Variants in TG observed in about 807,000 individuals in gnomAD.
The protein encoded by TG is thyroid hormones.
TG carries 270 observed loss-of-function variants against 324.7 expected under a neutral mutation model. That is an observed-to-expected ratio of 0.83 (90% CI 0.75 to 0.92). TG has a LOEUF of 0.92. Ranked by LOEUF, TG falls within the 40% of genes least tolerant of loss-of-function variation. The pLI, the probability that TG is intolerant of heterozygous loss-of-function variation, is 0.00. For synonymous variants in TG, 1,401 were observed against 1,327.0 expected, an observed-to-expected ratio of 1.06 and a Z score of -1.21; for missense variants, 3,591 against 3,456.4, an observed-to-expected ratio of 1.04 and a Z score of -0.98.
chr8:132,950,473 C>T (rs1458680042), intron 27 of TG, among the ~76,000 whole-genome samples: 1 of 152,210 alleles, frequency 6.6e-6, no homozygotes, highest in African/African-American at 2.4e-5. Flanking sequence ...TTATATCCTG[C>T]ATTTCTCAGG....
Position 132,868,234 on chromosome 8 carries a change from T to C in TG, c.176+11T>C, listed in dbSNP as rs1257754457. The C allele has an allele frequency of 6.2e-7, 1 of 1,612,962 alleles. No homozygotes were observed. The highest frequency in any genetic ancestry group is 8.5e-7 in the Non-Finnish European group (1 of 1,179,194). ...GGATGGCAGCTTCCAGTAAGGCTTA[T>C]GTCAGCAGCGAACTCTCAAGGTCCA... On this transcript the variant is annotated intron_variant, in intron 2 of 47. Transcript: ENST00000220616.
chr8:133,016,849 G>A (rs184711587), intron 37 of TG, among the ~76,000 whole-genome samples: 14 of 152,180 alleles, frequency 9.2e-5, no homozygotes, highest in Admixed American at 1.3e-4. Flanking sequence ...AGAAAATGTC[G>A]TCGAGGAAAC....
Position 133,133,609 on chromosome 8 carries a change from G to T in TG, c.8137G>T (p.Ala2713Ser). The change falls in exon 47 of 48, where the codon GCC (alanine) becomes TCC (serine). Residue 2713 changes from alanine (A) to serine (S), a missense_variant. Ala to Ser is a moderately conservative substitution (Grantham distance 99). Coordinates refer to ENST00000220616, the MANE Select transcript of TG (RefSeq NM_003235.5). ...CCCCAATCGACAGGGCCTGAAGAAAGCCGACTGCTCCTTCTGGTCCAAGTA... is the reference window on the plus strand; with the variant it reads ...CCCCAATCGACAGGGCCTGAAGAAATCCGACTGCTCCTTCTGGTCCAAGTA... ...LLPNRQGLKK[A>S]DCSFWSKYIS... 4 of 1,614,224 alleles carry T rather than the reference G, an allele frequency of 2.5e-6. No individual in the cohort carries two copies. Among genetic ancestry groups the T allele is most frequent in the Non-Finnish European group, 3.4e-6 (4 of 1,180,040 alleles).
chr8:132,868,355 A>C (rs1463379734), intron 2 of TG, 132 bp downstream of exon 2: 5 of 843,084 alleles, frequency 5.9e-6, no homozygotes, highest in Non-Finnish European at 7.7e-6. Flanking sequence ...TGTCATTTGG[A>C]GGTGCCTGCC....
At chr8:132,987,674 G>T (rs1365126720) in intron 35 of TG, among the ~76,000 whole-genome samples, 1 of 151,878 alleles carries the variant, frequency 6.6e-6, no homozygotes, top group African/African-American at 2.4e-5. Flanking sequence ...AGACTTGTCT[G>T]GAGACCTAAT....
intron 47 of TG, among the ~76,000 whole-genome samples, chr8:133,134,195 C>T (rs1182105998): frequency 6.6e-6 from 1 of 152,236 alleles, no homozygotes; most frequent in Non-Finnish European, 1.5e-5. Context: ...AGTGACACAA[C>T]CCAGGGGATG....
intron 37 of TG, among the ~76,000 whole-genome samples, chr8:133,016,335 A>T (rs1008402245): frequency 2.0e-5 from 3 of 152,168 alleles, no homozygotes; most frequent in Non-Finnish European, 4.4e-5. Flanking sequence ...CTACTGTAGG[A>T]TGTCTAACAA....
intron 41 of TG, among the ~76,000 whole-genome samples, chr8:133,079,648 T>A (rs16904824): frequency 0.018 from 2,680 of 152,298 alleles, 79 homozygotes; most frequent in African/African-American, 0.061. Context: ...TGGTCCAGTA[T>A]GAGCAGATTT....
intron 14 of TG, among the ~76,000 whole-genome samples, chr8:132,899,172 A>G (rs1817564931): frequency 1.3e-5 from 2 of 152,228 alleles, no homozygotes; most frequent in South Asian, 2.1e-4. Flanking sequence ...TGAGACTCCA[A>G]GAAAATATCT....
At chr8:132,947,325 C>G (rs1825462408) in intron 26 of TG, among the ~76,000 whole-genome samples, 1 of 152,182 alleles carries the variant, frequency 6.6e-6, no homozygotes, top group Non-Finnish European at 1.5e-5. Context: ...TGAGCATTTT[C>G]AAAACCCTCC....
At chr8:133,066,097 G>A (rs1842994606) in intron 41 of TG, among the ~76,000 whole-genome samples, 1 of 152,168 alleles carries the variant, frequency 6.6e-6, no homozygotes, top group Non-Finnish European at 1.5e-5. Flanking sequence ...GCTGAGGCGG[G>A]CAGATCACGA....
intron 5 of TG, among the ~76,000 whole-genome samples, chr8:132,878,364 C>A (rs1234091879): frequency 6.6e-6 from 1 of 152,050 alleles, no homozygotes; most frequent in Admixed American, 6.5e-5. Flanking sequence ...CACCTGTAAT[C>A]CCAGCACTTT....
chr8:132,995,365 G>A (rs535305889), intron 35 of TG: 1 of 985,218 alleles, frequency 1.0e-6, no homozygotes, highest in Non-Finnish European at 1.2e-6. Context: ...ATCAGACACA[G>A]GTCTCTAACG....
intron 41 of TG, among the ~76,000 whole-genome samples, chr8:133,032,420 A>G (rs949392234): frequency 1.3e-5 from 2 of 152,230 alleles, no homozygotes; most frequent in Non-Finnish European, 2.9e-5. Flanking sequence ...AGAAGATGCC[A>G]AAAATACCTT....
chr8:133,001,351 G>A (rs1833477213), intron 35 of TG, among the ~76,000 whole-genome samples: 1 of 152,168 alleles, frequency 6.6e-6, no homozygotes, highest in South Asian at 2.1e-4. Flanking sequence ...TGAATGGAGA[G>A]GTCAGGATGT....
chr8:132,899,318 G>A (rs1252033785), intron 14 of TG, among the ~76,000 whole-genome samples: 1 of 152,218 alleles, frequency 6.6e-6, no homozygotes, highest in Non-Finnish European at 1.5e-5. Context: ...TCCCTCCCTA[G>A]CTCCCGGGGT....
At chr8:132,940,822 T>C (rs901119760) in intron 25 of TG, among the ~76,000 whole-genome samples, 1 of 152,208 alleles carries the variant, frequency 6.6e-6, no homozygotes, top group Non-Finnish European at 1.5e-5. Context: ...CCTTTAATGA[T>C]GTTTGGTGGC....
chr8:132,939,663 G>GTTT (rs766831555), intron 25 of TG, among the ~76,000 whole-genome samples: 1 of 125,406 alleles, frequency 8.0e-6, no homozygotes, highest in Non-Finnish European at 1.8e-5. Context: ...AGTCTATGGG[G>GTTT]TTTTTTTTTT....
At position 132,913,784 on chromosome 8, in the gene TG, A is replaced by C. The variant is rs188351589; in HGVS notation, c.4378+519A>C. Among the ~76,000 whole-genome samples, 10 of 152,340 alleles carry C rather than the reference A, an allele frequency of 6.6e-5. No individual in the cohort carries two copies. The South Asian group carries it at 2.1e-3, about 32-fold the overall frequency. ...GTTGCATTAGTTTCCTGTTGCTACCATAGTAAATGACCAAAAATTTTGTGG... is the reference window on the plus strand; with the variant it reads ...GTTGCATTAGTTTCCTGTTGCTACCCTAGTAAATGACCAAAAATTTTGTGG... On this transcript the variant is annotated intron_variant, in intron 20 of 47. Coordinates refer to ENST00000220616, the MANE Select transcript of TG (RefSeq NM_003235.5).
Sources: gnomAD v4.1 joint callset for allele counts (sites outside exome capture counted in the v4.1 genomes callset) on GRCh38, gnomAD v4.1.1 for gene constraint, MANE v1.5 for transcripts, NCBI Gene and HGNC (gene_info 2026-07-23, HGNC 2026-07-21) for gene names.